Variants in RPA3 observed in about 807,000 individuals in gnomAD.
RPA3 encodes replication protein A3, also known as replication protein A 14 kDa subunit.
RPA3 carries 24 observed loss-of-function variants against 13.7 expected under a neutral mutation model. The ratio of observed to expected loss-of-function variants is 1.75; its 90% CI spans 1.27 to 2.46. The LOEUF (loss-of-function observed/expected upper bound fraction) is 2.46, where lower values mean the gene tolerates loss of function less well. RPA3 is among the 30% of genes most tolerant of loss of function. The pLI, the probability that RPA3 is intolerant of heterozygous loss-of-function variation, is 0.00. For synonymous variants in RPA3, 59 were observed against 51.2 expected (o/e 1.15, Z -0.65); for missense variants, 183 against 151.0 (o/e 1.21, Z -1.11).
At chr7:7,697,547 A>G (rs546175576) in intron 2 of RPA3, among the ~76,000 whole-genome samples, 2 of 152,172 alleles carry the variant, frequency 1.3e-5, no homozygotes, top group Non-Finnish European at 2.9e-5. Flanking sequence ...AAAATTTTCC[A>G]AGTATCTCAG....
At chr7:7,642,710 T>C (rs1302266707) in intron 4 of RPA3, among the ~76,000 whole-genome samples, 1 of 151,830 alleles carries the variant, frequency 6.6e-6, no homozygotes. Flanking sequence ...ATGAAATGAA[T>C]CCATGGGGCC....
intron 4 of RPA3, among the ~76,000 whole-genome samples, chr7:7,660,292 C>T (rs942029535): frequency 1.3e-5 from 2 of 152,158 alleles, no homozygotes; most frequent in African/African-American, 4.8e-5. Context: ...GGGCATTTAG[C>T]CCATTTACAT....
chr7:7,715,585 A>G (rs928430784), intron 1 of RPA3, among the ~76,000 whole-genome samples: 1 of 152,164 alleles, frequency 6.6e-6, no homozygotes, highest in South Asian at 2.1e-4. Flanking sequence ...TACAAAGAAG[A>G]GCTCTGTTTT....
intron 4 of RPA3, among the ~76,000 whole-genome samples, chr7:7,646,754 GTCCCCAGCCAAAC>G (rs1239491893): frequency 6.6e-6 from 1 of 151,816 alleles, no homozygotes; most frequent in African/African-American, 2.4e-5. Flanking sequence ...CTCTCTGACC[GTCCCCAGCCAAAC>G]TCCCCTCGAC....
chr7:7,666,060 T>C (rs946569797), intron 4 of RPA3, among the ~76,000 whole-genome samples: 1 of 152,226 alleles, frequency 6.6e-6, no homozygotes, highest in Non-Finnish European at 1.5e-5. Flanking sequence ...TATATGTTTA[T>C]GTTTTTAAGA....
chr7:7,698,286 C>T (rs951089015), intron 2 of RPA3, among the ~76,000 whole-genome samples: 1 of 152,146 alleles, frequency 6.6e-6, no homozygotes, highest in African/African-American at 2.4e-5. Context: ...TAACAGTTCC[C>T]ATTCTTGAAG....
intron 2 of RPA3, among the ~76,000 whole-genome samples, chr7:7,708,034 T>G (rs967419778): frequency 2.0e-5 from 3 of 152,188 alleles, no homozygotes; most frequent in Admixed American, 2.0e-4. Context: ...TGAAAGTAAT[T>G]TGCTTCATTA....
At chr7:7,652,775 TTTGTTC>T (rs1224770243) in intron 4 of RPA3, among the ~76,000 whole-genome samples, 10 of 152,184 alleles carry the variant, frequency 6.6e-5, no homozygotes, top group Admixed American at 6.5e-4. Context: ...TTAAAAGAAG[TTTGTTC>T]TTCAATGGGG....
chr7:7,696,491 C>G (rs1363976040), intron 2 of RPA3, among the ~76,000 whole-genome samples: 1 of 152,080 alleles, frequency 6.6e-6, no homozygotes, highest in African/African-American at 2.4e-5. Flanking sequence ...AAGAGGTAAC[C>G]TGTTATATGA....
chr7:7,650,400 G>A (rs1042350403), intron 4 of RPA3, among the ~76,000 whole-genome samples: 2 of 152,122 alleles, frequency 1.3e-5, no homozygotes, highest in African/African-American at 2.4e-5. Flanking sequence ...AGAATTCTAA[G>A]TGGATGGTTA....
chr7:7,639,733 C>G (rs1784922531), intron 5 of RPA3, among the ~76,000 whole-genome samples: 1 of 152,200 alleles, frequency 6.6e-6, no homozygotes, highest in Non-Finnish European at 1.5e-5. Flanking sequence ...ATGAAATGAG[C>G]TACTAAATAA....
intron 4 of RPA3, among the ~76,000 whole-genome samples, chr7:7,667,794 A>G (rs28916013): frequency 0.018 from 2,810 of 152,306 alleles, 87 homozygotes; most frequent in African/African-American, 0.064. Context: ...CTAAGTGTTA[A>G]GTGTTTCTGG....
At chr7:7,661,584 G>C (rs1051694237) in intron 4 of RPA3, among the ~76,000 whole-genome samples, 2 of 152,172 alleles carry the variant, frequency 1.3e-5, no homozygotes, top group Non-Finnish European at 2.9e-5. Flanking sequence ...GTCTGCTGAA[G>C]TTTGCTGGAG....
In RPA3 at chr7:7,707,791, A is replaced by G. The variant is rs189350166; in HGVS notation, c.-1028+7384T>C. On this transcript the variant is annotated intron_variant, in intron 2 of 7. Coordinates refer to ENST00000223129, the MANE Select transcript of RPA3 (RefSeq NM_002947.5). ...TCCTTTTCTGTTCAGAAATGTCATT[A>G]ACTTGAAATATAAAGATGCTTTCTA... 1.1e-4 allele frequency among the ~76,000 whole-genome samples: 17 copies of G among 152,340 alleles called. No homozygotes were observed. In the East Asian group the frequency reaches 3.3e-3, roughly 29 times the overall value.
chr7:7,680,983 CT>C (rs534225087), intron 4 of RPA3, among the ~76,000 whole-genome samples: 1 of 151,938 alleles, frequency 6.6e-6, no homozygotes, highest in East Asian at 1.9e-4. Context: ...ATCCACATAA[CT>C]TTTTTTGTGG....
At chr7:7,681,504 C>A (rs1230815758) in intron 4 of RPA3, among the ~76,000 whole-genome samples, 4 of 151,962 alleles carry the variant, frequency 2.6e-5, no homozygotes, top group Non-Finnish European at 5.9e-5. Flanking sequence ...CTAGTGGTGC[C>A]GAATAAGAAT....
rs764303185 is a variant in RPA3, at chr7:7,639,032, CTATAATA to C, written c.174+31_174+37del. 12 of 1,447,044 alleles carry C rather than the reference CTATAATA, an allele frequency of 8.3e-6. No homozygotes were observed. In the Admixed American group the frequency reaches 2.5e-4, roughly 30 times the overall value. 89.6% of individuals were successfully genotyped at this position (1,447,044 alleles called of 1,614,324 possible). On this transcript the variant is annotated intron_variant, in intron 6 of 7. Transcript: ENST00000223129. The stretch of plus-strand genomic sequence containing the variant: ...AAACCAAATCAAGATGAAGAATTAA[CTATAATA>C]TATAAGAGACTTATTAACACTTAAA...
At chr7:7,667,921 C>T (rs1699611834) in intron 4 of RPA3, among the ~76,000 whole-genome samples, 1 of 152,032 alleles carries the variant, frequency 6.6e-6, no homozygotes, top group African/African-American at 2.4e-5. Flanking sequence ...CCTAGTTTTT[C>T]ACTTCAGTTC....
At chr7:7,688,506 A>C (rs1438535913) in intron 2 of RPA3, among the ~76,000 whole-genome samples, 1 of 152,162 alleles carries the variant, frequency 6.6e-6, no homozygotes, top group Non-Finnish European at 1.5e-5. Flanking sequence ...TTCCTCATGC[A>C]GAGTGCCCAG....
Sources: allele counts gnomAD v4.1 joint callset (sites outside exome capture counted in the v4.1 genomes callset), GRCh38; gene constraint gnomAD v4.1.1; transcripts MANE v1.5; gene names NCBI Gene and HGNC (gene_info 2026-07-23, HGNC 2026-07-21).